Variants in EPHA6 observed in about 807,000 individuals in gnomAD.
EPHA6 encodes the protein ephrin type-A receptor 6.
In EPHA6, 50 loss-of-function variants were observed where a neutral mutation model predicts 112.0. That is an observed-to-expected ratio of 0.45 (90% CI 0.36 to 0.56). The LOEUF (loss-of-function observed/expected upper bound fraction) is 0.56. EPHA6 is among the 20% of genes least tolerant of loss of function. The pLI is 0.00. For synonymous variants in EPHA6, 529 were observed against 490.7 expected (o/e 1.08, Z -1.03); for missense variants, 1,280 against 1,417.4 (o/e 0.90, Z 1.56).
intron 3 of EPHA6, among the ~76,000 whole-genome samples, chr3:97,136,353 A>G (rs2075768996): frequency 6.6e-6 from 1 of 152,178 alleles, no homozygotes; most frequent in Non-Finnish European, 1.5e-5. Flanking sequence ...AGACAGTAAA[A>G]TCCTTTTAAA....
At chr3:97,631,588 T>C (rs1267248342) in intron 13 of EPHA6, among the ~76,000 whole-genome samples, 1 of 152,020 alleles carries the variant, frequency 6.6e-6, no homozygotes, top group East Asian at 1.9e-4. Context: ...CCATTACTTC[T>C]TTTTTTAGCT....
At chr3:97,330,760 C>G (rs2082753758) in intron 5 of EPHA6, among the ~76,000 whole-genome samples, 1 of 152,050 alleles carries the variant, frequency 6.6e-6, no homozygotes, top group African/African-American at 2.4e-5. Context: ...TCCTTAGAGA[C>G]CTACAAAGTG....
At position 96,887,578 on chromosome 3, in the gene EPHA6, G is replaced by A. The variant is rs150858783; in HGVS notation, c.450+20689G>A. 2.7e-3 allele frequency among the ~76,000 whole-genome samples: 407 copies of A among 152,236 alleles called. 11 individuals carry two copies. The East Asian group carries it at 0.046, about 17-fold the overall frequency. On this transcript the variant is annotated intron_variant, in intron 2 of 17. Transcript: ENST00000389672. ...TTTTTGTGCTGGTTGGCCTCCTGCC[G>A]GGAGGTTATGCTCTCCAGAGAGCAC... is the stretch of plus-strand genomic sequence containing the variant.
At chr3:97,225,398 G>A (rs766411754) in intron 3 of EPHA6, among the ~76,000 whole-genome samples, 6 of 152,198 alleles carry the variant, frequency 3.9e-5, no homozygotes, top group Non-Finnish European at 8.8e-5. Flanking sequence ...TGTCATAACT[G>A]CTGTCATAAG....
chr3:97,583,598 G>A (rs2093461584), intron 11 of EPHA6, among the ~76,000 whole-genome samples: 1 of 151,680 alleles, frequency 6.6e-6, no homozygotes, highest in South Asian at 2.1e-4. Flanking sequence ...TACAAGAACT[G>A]TATGAGGAAA....
At chr3:97,018,727 C>T (rs886788651) in intron 3 of EPHA6, among the ~76,000 whole-genome samples, 4 of 152,204 alleles carry the variant, frequency 2.6e-5, no homozygotes, top group South Asian at 2.1e-4. Flanking sequence ...GTTAGGCCTC[C>T]GGATAACCGC....
chr3:97,321,553 C>T (rs1004860943), intron 5 of EPHA6, among the ~76,000 whole-genome samples: 1 of 151,904 alleles, frequency 6.6e-6, no homozygotes, highest in Admixed American at 6.6e-5. Flanking sequence ...TCCTTTCCCC[C>T]TACCCTTACT....
intron 4 of EPHA6, among the ~76,000 whole-genome samples, chr3:97,226,665 G>A (rs2078365632): frequency 6.6e-6 from 1 of 152,166 alleles, no homozygotes; most frequent in South Asian, 2.1e-4. Context: ...ACTGGTTTGA[G>A]GCCCTACAAG....
chr3:97,217,023 A>G (rs2078053110), intron 3 of EPHA6, among the ~76,000 whole-genome samples: 1 of 152,208 alleles, frequency 6.6e-6, no homozygotes, highest in Non-Finnish European at 1.5e-5. Context: ...GAGACATCAG[A>G]TAACCAAGAG....
intron 11 of EPHA6, 106 bp from the exon 12 acceptor site, chr3:97,592,506 C>A: frequency 5.3e-6 from 7 of 1,317,750 alleles, no homozygotes; most frequent in Non-Finnish European, 6.3e-6. Flanking sequence ...ATAACTTCTT[C>A]GTAAAATTTG....
rs145884492 is a variant in EPHA6, at chr3:97,564,085, C to T, written c.2387-28527C>T. 8.1e-3 allele frequency among the ~76,000 whole-genome samples: 1,230 copies of T among 151,996 alleles called. 18 individuals are homozygous for T. The highest frequency in any genetic ancestry group is 0.028 in the African/African-American group (1,170 of 41,458). Reference sequence around the variant, plus strand: ...TTAATAGAAGTGTGAATATGAAAAGCGTTAAGTTAATTAGGGGGAAAACTA... The same window carrying T: ...TTAATAGAAGTGTGAATATGAAAAGTGTTAAGTTAATTAGGGGGAAAACTA... On this transcript the variant is annotated intron_variant, in intron 11 of 17. Transcript: ENST00000389672.
intron 5 of EPHA6, among the ~76,000 whole-genome samples, chr3:97,374,729 G>T (rs2085250001): frequency 6.6e-6 from 1 of 151,980 alleles, no homozygotes; most frequent in Admixed American, 6.6e-5. Flanking sequence ...TGTGTATCCA[G>T]TTTAGCTTCT....
chr3:97,293,045 G>C (rs1432528859), intron 5 of EPHA6, among the ~76,000 whole-genome samples: 4 of 151,492 alleles, frequency 2.6e-5, no homozygotes, highest in African/African-American at 9.7e-5. Flanking sequence ...GCTCTCAGTG[G>C]AGAGGAGACC....
intron 2 of EPHA6, among the ~76,000 whole-genome samples, chr3:96,963,490 T>C (rs1449081291): frequency 1.3e-5 from 2 of 152,196 alleles, no homozygotes; most frequent in Non-Finnish European, 2.9e-5. Flanking sequence ...AGCCTTTCTT[T>C]TTTATTTTGG....
chr3:97,065,165 C>T (rs562714998), intron 3 of EPHA6, among the ~76,000 whole-genome samples: 4 of 152,076 alleles, frequency 2.6e-5, no homozygotes, highest in South Asian at 4.1e-4. Context: ...AAACAATGCA[C>T]GAGGAGATTC....
At position 97,312,778 on chromosome 3, in the gene EPHA6, A is replaced by AT. The variant is rs1035907052; in HGVS notation, c.1606+68499dup. 1.2e-4 allele frequency among the ~76,000 whole-genome samples: 18 copies of AT among 150,344 alleles called. No homozygotes were observed. In the South Asian group the frequency reaches 1.7e-3, roughly 14 times the overall value. On this transcript the variant is annotated intron_variant, in intron 5 of 17. Coordinates refer to ENST00000389672, the MANE Select transcript of EPHA6 (RefSeq NM_001080448.3). Reference sequence around the variant, plus strand: ...TTTTTCTCTAATATTCTGTGGTCACATTTTTTTTGCTTTTTGAATCCTAAC... The same window carrying AT: ...TTTTTCTCTAATATTCTGTGGTCACATTTTTTTTTGCTTTTTGAATCCTAAC...
chr3:97,538,289 G>T (rs2092790980), intron 11 of EPHA6, among the ~76,000 whole-genome samples: 1 of 152,144 alleles, frequency 6.6e-6, no homozygotes, highest in East Asian at 1.9e-4. Context: ...ACACTTCAGT[G>T]ACTTCTTGAT....
intron 14 of EPHA6, among the ~76,000 whole-genome samples, chr3:97,675,221 TGTAATTCCA>T (rs2031251529): frequency 6.6e-6 from 1 of 152,190 alleles, no homozygotes; most frequent in Non-Finnish European, 1.5e-5. Flanking sequence ...AGCTCATGCC[TGTAATTCCA>T]GCACTTGGGA....
At chr3:97,737,106 T>C (rs2035295593) in intron 16 of EPHA6, among the ~76,000 whole-genome samples, 1 of 152,010 alleles carries the variant, frequency 6.6e-6, no homozygotes, top group Non-Finnish European at 1.5e-5. Flanking sequence ...AAGCCAAGCA[T>C]GAAATAGCTA....
Sources: gnomAD v4.1 joint callset for allele counts (sites outside exome capture counted in the v4.1 genomes callset) on GRCh38, gnomAD v4.1.1 for gene constraint, MANE v1.5 for transcripts, NCBI Gene and HGNC (gene_info 2026-07-23, HGNC 2026-07-21) for gene names.